Variants in ZBTB46 observed in about 807,000 individuals in gnomAD.
The protein encoded by ZBTB46 is zinc finger and BTB domain containing 46.
Under a neutral mutation model 44.1 loss-of-function variants are expected in ZBTB46, and 8 were observed. The ratio of observed to expected loss-of-function variants is 0.18; its 90% CI spans 0.11 to 0.33. The LOEUF (loss-of-function observed/expected upper bound fraction) is 0.33. ZBTB46 is among the 10% of genes least tolerant of loss of function. ZBTB46 has a pLI of 1.00. For synonymous variants in ZBTB46, 409 were observed against 382.3 expected, an observed-to-expected ratio of 1.07 and a Z score of -0.81; for missense variants, 651 against 847.7, an observed-to-expected ratio of 0.77 and a Z score of 2.88.
At chr20:63,823,743 C>T (rs1055820289) in intron 1 of ZBTB46, among the ~76,000 whole-genome samples, 1 of 151,988 alleles carries the variant, frequency 6.6e-6, no homozygotes, top group Non-Finnish European at 1.5e-5. Context: ...ACAATATCCA[C>T]GTCACACTGC....
At chr20:63,782,207 C>T (rs1300503192) in intron 2 of ZBTB46, among the ~76,000 whole-genome samples, 2 of 152,012 alleles carry the variant, frequency 1.3e-5, no homozygotes, top group Non-Finnish European at 2.9e-5. Flanking sequence ...ACCCCCGAGC[C>T]GTGGTTTTGC....
chr20:63,779,284 A>G (rs1418571866), intron 2 of ZBTB46, among the ~76,000 whole-genome samples: 1 of 152,044 alleles, frequency 6.6e-6, no homozygotes, highest in Non-Finnish European at 1.5e-5. Flanking sequence ...CTTGTTGCCC[A>G]GGCTGGAGTG....
chr20:63,833,654 C>T (rs2092861866), upstream of ZBTB46, among the ~76,000 whole-genome samples: 1 of 152,132 alleles, frequency 6.6e-6, no homozygotes, highest in African/African-American at 2.4e-5. Flanking sequence ...GGCTCTGGGC[C>T]CCCTCTCACC....
intron 1 of ZBTB46, among the ~76,000 whole-genome samples, chr20:63,828,712 G>A (rs146844491): frequency 0.01 from 1,533 of 152,376 alleles, 24 homozygotes; most frequent in African/African-American, 0.035. Flanking sequence ...CGGATGGGAA[G>A]GGGCAAGGAC....
At chr20:63,782,319 G>T (rs148869381) in intron 2 of ZBTB46, among the ~76,000 whole-genome samples, 1 of 152,180 alleles carries the variant, frequency 6.6e-6, no homozygotes, top group East Asian at 1.9e-4. Context: ...CCAGGGCCCC[G>T]TCAGCAGAGA....
intron 2 of ZBTB46, among the ~76,000 whole-genome samples, chr20:63,781,779 G>A (rs1181758254): frequency 3.7e-5 from 5 of 134,282 alleles, no homozygotes; most frequent in Admixed American, 7.9e-5. Flanking sequence ...ACAACAGAGC[G>A]AGACTCTGTC....
intron 1 of ZBTB46, among the ~76,000 whole-genome samples, chr20:63,828,278 C>G (rs1376246782): frequency 6.6e-6 from 1 of 152,246 alleles, no homozygotes; most frequent in African/African-American, 2.4e-5. Context: ...GCCTAAGACC[C>G]CAGCACTCCG....
intron 1 of ZBTB46, among the ~76,000 whole-genome samples, chr20:63,798,047 T>C (rs1024969770): frequency 7.9e-5 from 12 of 152,234 alleles, no homozygotes; most frequent in African/African-American, 2.9e-4. Flanking sequence ...TTGCTTTTGG[T>C]GTTTTAGACA....
intron 2 of ZBTB46, among the ~76,000 whole-genome samples, chr20:63,781,143 A>G (rs2092466985): frequency 3.4e-5 from 2 of 59,352 alleles, no homozygotes; most frequent in African/African-American, 9.1e-5. Context: ...TCTGCCTCAA[A>G]AAAAAAAAAA....
chr20:63,753,483 C>T (rs1043515865), intron 3 of ZBTB46, among the ~76,000 whole-genome samples: 4 of 152,228 alleles, frequency 2.6e-5, no homozygotes, highest in African/African-American at 7.2e-5. Context: ...CTCCATGGTG[C>T]GTGCCCTGGG....
intron 1 of ZBTB46, among the ~76,000 whole-genome samples, chr20:63,801,232 G>A (rs1287565976): frequency 1.3e-5 from 2 of 151,744 alleles, no homozygotes; most frequent in Non-Finnish European, 2.9e-5. Context: ...CTCTGTATCT[G>A]GCTCAAGGTT....
upstream of ZBTB46, among the ~76,000 whole-genome samples, chr20:63,833,823 G>A (rs2092862485): frequency 6.6e-6 from 1 of 152,256 alleles, no homozygotes; most frequent in Non-Finnish European, 1.5e-5. Context: ...CTCAGAGACA[G>A]CGCCCTGATT....
At chr20:63,818,277 A>G (rs2092771495) in intron 1 of ZBTB46, among the ~76,000 whole-genome samples, 1 of 152,238 alleles carries the variant, frequency 6.6e-6, no homozygotes, top group Admixed American at 6.5e-5. Context: ...CACGTGGCAA[A>G]GCCACCCAGA....
At chr20:63,769,174 A>G in intron 3 of ZBTB46, 6 of 984,286 alleles carry the variant, frequency 6.1e-6, no homozygotes, top group Non-Finnish European at 7.2e-6. Context: ...CCACGCACAC[A>G]TGGGTGTCAG....
At chr20:63,815,572 AGGTGCAGGTGAGCACAGGTGCAGTG>A (rs2092746313) in intron 1 of ZBTB46, among the ~76,000 whole-genome samples, 2 of 137,120 alleles carry the variant, frequency 1.5e-5, no homozygotes, top group African/African-American at 5.6e-5. Flanking sequence ...AGATGGGCAC[AGGTGCAGGTGAGCACAGGTGCAGTG>A]GGTGCAGGTG....
In ZBTB46 at chr20:63,758,857, G is replaced by A. The variant is rs529639212; in HGVS notation, c.1223-5996C>T. On this transcript the variant is annotated intron_variant, in intron 3 of 4. Transcript: ENST00000245663. The stretch of plus-strand genomic sequence containing the variant: ...CGCCATTCTCCTGCCTCAGCCTCCC[G>A]AGTAGCTGGGACTACAGGCGCCCGC... 1.1e-3 allele frequency among the ~76,000 whole-genome samples: 163 copies of A among 151,616 alleles called. 1 individual carries two copies. Among genetic ancestry groups the A allele is most frequent in the Non-Finnish European group, 1.2e-3 (83 of 67,954 alleles).
At chr20:63,747,593 G>A (rs375528376) in intron 4 of ZBTB46, among the ~76,000 whole-genome samples, 1,635 of 147,870 alleles carry the variant, frequency 0.011, 42 homozygotes, top group African/African-American at 0.039. Flanking sequence ...ACAGCCTCCC[G>A]GGCCCTCCGA....
intron 1 of ZBTB46, among the ~76,000 whole-genome samples, chr20:63,802,294 A>C (rs935931597): frequency 6.6e-6 from 1 of 151,998 alleles, no homozygotes; most frequent in African/African-American, 2.4e-5. Context: ...GTGGTGGCGC[A>C]CGTCTGTAAT....
chr20:63,752,914 G>C lies in ZBTB46; in HGVS notation c.1223-53C>G. On this transcript the variant is annotated intron_variant, in intron 3 of 4. Transcript: ENST00000245663. The surrounding 1 kb of genome is among the most constrained non-coding windows in gnomAD (Gnocchi z 5.6). Reference sequence around the variant, plus strand: ...AGCAGGGCTTGGGATGTACCGCCCTGCGGCCCACAGACCACGGCTGCACGC... The same window carrying C: ...AGCAGGGCTTGGGATGTACCGCCCTCCGGCCCACAGACCACGGCTGCACGC... 6.5e-7 allele frequency: 1 copy of C among 1,535,020 alleles called. No individual in the cohort carries two copies. Among genetic ancestry groups the C allele is most frequent in the Non-Finnish European group, 8.8e-7 (1 of 1,137,270 alleles).
Sources: gnomAD v4.1 joint callset for allele counts (sites outside exome capture counted in the v4.1 genomes callset) on GRCh38, gnomAD v4.1.1 for gene constraint, Gnocchi (gnomAD v3.1) non-coding constraint, MANE v1.5 for transcripts, NCBI Gene and HGNC (gene_info 2026-07-23, HGNC 2026-07-21) for gene names.